GLYATL3: variants seen among roughly 807,000 people sequenced by gnomAD.
The protein encoded by GLYATL3 is glycine-N-acyltransferase like 3.
Under a neutral mutation model 28.5 loss-of-function variants are expected in GLYATL3, and 31 were observed. The ratio of observed to expected loss-of-function variants is 1.09; its 90% confidence interval spans 0.82 to 1.47. GLYATL3 has a LOEUF of 1.47. Ranked by LOEUF, GLYATL3 falls within the 40% of genes most tolerant of loss-of-function variation. GLYATL3 has a pLI of 0.00. For synonymous variants in GLYATL3, 141 were observed against 140.2 expected (o/e 1.01, Z -0.04); for missense variants, 369 against 351.5 (o/e 1.05, Z -0.40).
At chr6:49,523,745 C>T (rs1769355748) in intron 5 of GLYATL3, among the ~76,000 whole-genome samples, 1 of 152,200 alleles carries the variant, frequency 6.6e-6, no homozygotes, top group Non-Finnish European at 1.5e-5. Flanking sequence ...TGTTTTGAAT[C>T]AACATCTAAA....
At chr6:49,517,121 C>T (rs1191035773) in intron 3 of GLYATL3, among the ~76,000 whole-genome samples, 1 of 146,462 alleles carries the variant, frequency 6.8e-6, no homozygotes, top group East Asian at 2.2e-4. Context: ...AGTGATTCTC[C>T]TGCACTCCAG....
intron 5 of GLYATL3, among the ~76,000 whole-genome samples, chr6:49,523,568 G>A (rs148252517): frequency 4.5e-4 from 68 of 152,332 alleles, no homozygotes; most frequent in African/African-American, 1.5e-3. Flanking sequence ...CATGTTCTCA[G>A]ACACCAACCA....
Position 49,526,761 on chromosome 6 carries a change from G to T in GLYATL3, c.714G>T (p.Leu238Phe). Residue 238 changes from leucine to phenylalanine, a missense_variant, in exon 6 of 6, where the codon TTG becomes TTT. Physicochemically the swap from Leu to Phe is conservative, Grantham distance 22. Coordinates refer to ENST00000371197, the MANE Select transcript of GLYATL3 (RefSeq NM_001010904.2). The part of the protein sequence containing the change: ...RLVALTLARK[L>F]QSRGFPSQGN... Reference sequence around the variant, plus strand: ...TGGCCCTCACGCTGGCCAGGAAGTTGCAAAGCCGGGGATTCCCCTCTCAGG... The same window carrying T: ...TGGCCCTCACGCTGGCCAGGAAGTTTCAAAGCCGGGGATTCCCCTCTCAGG... 6.4e-7 allele frequency: 1 copy of T among 1,551,772 alleles called. No individual in the cohort carries two copies. The highest frequency in any genetic ancestry group is 8.7e-7 in the Non-Finnish European group (1 of 1,147,012).
In GLYATL3 at chr6:49,515,749, C is replaced by A. The variant is rs371640357; in HGVS notation, c.175C>A (p.Arg59=). ...WPDFKAVITR[R]QREAETDNLD... is the part of the protein sequence containing the mutation. ...GGATTTCAAAGCTGTTATCACCCGA[C>A]GACAAAGAGAGGTACAGTTTTGAAA... Residue 59 remains arginine (R), a synonymous_variant, in exon 3 of 6, where the codon CGA becomes AGA. Coordinates refer to ENST00000371197, the MANE Select transcript of GLYATL3 (RefSeq NM_001010904.2). The A allele has an allele frequency of 1.9e-6, 3 of 1,538,578 alleles. No homozygotes were observed. Among genetic ancestry groups the A allele is most frequent in the Non-Finnish European group, 2.6e-6 (3 of 1,135,390 alleles).
intron 1 of GLYATL3, among the ~76,000 whole-genome samples, chr6:49,511,578 G>A (rs1241316887): frequency 2.0e-5 from 3 of 152,210 alleles, no homozygotes; most frequent in African/African-American, 7.2e-5. Context: ...TGTGGATACA[G>A]TGGAGCACAA....
At chr6:49,515,608 A>T in intron 2 of GLYATL3, 45 bp from the exon 3 acceptor site, 1 of 1,092,246 alleles carries the variant, frequency 9.2e-7, no homozygotes. Flanking sequence ...TGTGAGTGAA[A>T]CAGCTAATAG....
At chr6:49,512,608 A>G (rs1769144520) in intron 2 of GLYATL3, among the ~76,000 whole-genome samples, 1 of 152,212 alleles carries the variant, frequency 6.6e-6, no homozygotes, top group African/African-American at 2.4e-5. Context: ...TTAAGAACAT[A>G]ATCTAGTTAA....
chr6:49,519,184 G>C (rs528384971), intron 4 of GLYATL3, among the ~76,000 whole-genome samples: 3 of 152,270 alleles, frequency 2.0e-5, no homozygotes, highest in Admixed American at 2.0e-4. Flanking sequence ...CTTGGTGCTA[G>C]AGGCCTATTA....
chr6:49,513,290 C>T (rs780873610), intron 2 of GLYATL3, among the ~76,000 whole-genome samples: 8 of 152,158 alleles, frequency 5.3e-5, no homozygotes, highest in Non-Finnish European at 7.4e-5. Flanking sequence ...TTCATAAGTT[C>T]TCATCTCATT....
chr6:49,516,926 G>A (rs1734018031), intron 3 of GLYATL3, among the ~76,000 whole-genome samples: 1 of 151,748 alleles, frequency 6.6e-6, no homozygotes, highest in African/African-American at 2.4e-5. Flanking sequence ...GGGAGGCCTA[G>A]GCGGGCGGAT....
chr6:49,500,503 A>G (rs1289361494), intron 1 of GLYATL3, among the ~76,000 whole-genome samples: 3 of 152,246 alleles, frequency 2.0e-5, no homozygotes, highest in African/African-American at 7.2e-5. Flanking sequence ...ATAAGACTTA[A>G]AAGTCTCCCA....
At chr6:49,509,267 T>C (rs1001566187) in intron 1 of GLYATL3, among the ~76,000 whole-genome samples, 3 of 152,222 alleles carry the variant, frequency 2.0e-5, no homozygotes, top group Non-Finnish European at 2.9e-5. Flanking sequence ...TTGTTCCAAG[T>C]AGAAATACAG....
intron 3 of GLYATL3, 146 bp downstream of exon 3, chr6:49,515,906 C>G (rs1769207637): frequency 1.6e-6 from 1 of 606,234 alleles, no homozygotes; most frequent in Non-Finnish European, 3.0e-6. Flanking sequence ...TCTTTCCCTT[C>G]TTTCCTTCCC....
intron 1 of GLYATL3, among the ~76,000 whole-genome samples, chr6:49,501,099 T>C (rs1343786024): frequency 6.6e-6 from 1 of 152,154 alleles, no homozygotes; most frequent in Admixed American, 6.5e-5. Flanking sequence ...AGTAGAGGTT[T>C]TGCTATTAAG....
At chr6:49,515,567 C>A in intron 2 of GLYATL3, 86 bp from the exon 3 acceptor site, 2 of 739,820 alleles carry the variant, frequency 2.7e-6, no homozygotes, top group East Asian at 2.7e-5. Context: ...GACATGATTA[C>A]ACAGTAGAAC....
intron 5 of GLYATL3, 92 bp from the exon 6 acceptor site, chr6:49,526,394 CAG>C: frequency 9.3e-7 from 1 of 1,079,230 alleles, no homozygotes. Flanking sequence ...GCCTGGGCGA[CAG>C]AGCAAGACTG....
In GLYATL3 at chr6:49,515,775, G is replaced by A. The variant is rs201454269; in HGVS notation, c.186+15G>A. ...GACAAAGAGAGGTACAGTTTTGAAA[G>A]GTAAAAAGTTTAAAAATAATAAGAA... On this transcript the variant is annotated intron_variant, in intron 3 of 5. Transcript: ENST00000371197. 2,602 of 1,436,220 alleles carry A rather than the reference G, an allele frequency of 1.8e-3. 6 individuals are homozygous for A. The highest frequency in any genetic ancestry group is 2.4e-3 in the Middle Eastern group (14 of 5,766). The allele number at this position is 1,436,220 out of a possible 1,614,324, so 89.0% of individuals were successfully genotyped here.
At position 49,527,834 on chromosome 6, in the gene GLYATL3, A is replaced by T; in HGVS notation, c.*920A>T. Among the ~76,000 whole-genome samples the T allele has an allele frequency of 6.6e-6, 1 of 152,288 alleles. No homozygotes were observed. The highest frequency in any genetic ancestry group is 1.9e-4 in the East Asian group (1 of 5,178). ...TATATACATTCTCTTCATTTCTTTT[A>T]TATGTATAGGTATATACTCATAGAA... On this transcript the variant is annotated 3_prime_UTR_variant, in exon 6 of 6. Coordinates refer to ENST00000371197, the MANE Select transcript of GLYATL3 (RefSeq NM_001010904.2).
intron 1 of GLYATL3, among the ~76,000 whole-genome samples, chr6:49,506,102 C>A (rs933933861): frequency 2.0e-5 from 3 of 152,236 alleles, no homozygotes; most frequent in African/African-American, 7.2e-5. Context: ...TTTTGAAAAT[C>A]ATTTAAGGTG....
Sources: allele counts gnomAD v4.1 joint callset (sites outside exome capture counted in the v4.1 genomes callset), GRCh38; gene constraint gnomAD v4.1.1; transcripts MANE v1.5; gene names NCBI Gene and HGNC (gene_info 2026-07-23, HGNC 2026-07-21).